FANCA: variants seen among roughly 807,000 people sequenced by gnomAD.
FANCA encodes Fanconi anemia group A protein.
In FANCA, 236 loss-of-function variants were observed where a neutral mutation model predicts 194.3. The ratio of observed to expected loss-of-function variants is 1.21; its 90% CI spans 1.09 to 1.35. The LOEUF (loss-of-function observed/expected upper bound fraction) is 1.35. FANCA is among the 40% of genes most tolerant of loss of function. The pLI is 0.00. For missense variants in FANCA, 2,628 were observed against 1,813.9 expected, an observed-to-expected ratio of 1.45 and a Z score of -8.15; for synonymous variants, 1,014 against 715.8, an observed-to-expected ratio of 1.42 and a Z score of -6.65.
rs929925295 is a variant in FANCA at position 89,815,921 on chromosome 16, G to T, written c.145C>A (p.Arg49Ser). The change falls in exon 2 of 43, where the codon CGC becomes AGC. Residue 49 changes from arginine (R) to serine (S), a missense_variant. By Grantham distance (110) the Arg-to-Ser change is moderately radical. Transcript: ENST00000389301. ...AGGTCCTGATGGCTTCGCAGGAGGC[G>T]CACAGCTGATTCCTTTAATTTCTGT... ...RAQKLKESAVRLLRSHQDLNA... is the reference protein window; with the variant it reads ...RAQKLKESAVSLLRSHQDLNA... 1.9e-6 allele frequency: 3 copies of T among 1,614,088 alleles called. No homozygotes were observed. The highest frequency in any genetic ancestry group is 2.2e-5 in the East Asian group (1 of 44,876).
At chr16:89,752,003 T>A in intron 31 of FANCA, 135 bp downstream of exon 31, 1 of 785,276 alleles carries the variant, frequency 1.3e-6, no homozygotes, top group Non-Finnish European at 2.3e-6. Flanking sequence ...ATCTCCTGAC[T>A]GTGTGATCCG....
At position 89,782,738 on chromosome 16, in the gene FANCA, G is replaced by A. The variant is rs2039762831; in HGVS notation, c.1626+121C>T. 2.2e-5 allele frequency: 19 copies of A among 873,818 alleles called. 1 individual carries two copies. The highest frequency in any genetic ancestry group is 7.0e-5 in the South Asian group (5 of 71,890). 54.1% of individuals were successfully genotyped at this position (873,818 alleles called of 1,614,324 possible). A position where few individuals can be genotyped will look rare whatever the true frequency, so the allele number is the denominator to read the frequency against. On this transcript the variant is annotated intron_variant, in intron 17 of 42. Coordinates refer to ENST00000389301, the MANE Select transcript of FANCA (RefSeq NM_000135.4). ...CAGAGCCTCGCCCCCAGCTGCGCCC[G>A]AGGCAAGACCAGACATGAGACTGGG...
chr16:89,779,087 T>C (rs2039615759), intron 18 of FANCA, 84 bp from the exon 19 acceptor site: 1 of 1,336,498 alleles, frequency 7.5e-7, no homozygotes, highest in Non-Finnish European at 1.1e-6. Context: ...TTTCAGAGAG[T>C]GGACTGCGAG....
At chr16:89,782,558 T>C (rs1408648126) in intron 17 of FANCA, among the ~76,000 whole-genome samples, 3 of 149,866 alleles carry the variant, frequency 2.0e-5, no homozygotes, top group Non-Finnish European at 4.4e-5. Flanking sequence ...GAGAAAAACA[T>C]GACGAACCAC....
chr16:89,774,455 G>A (rs2039426145), intron 21 of FANCA, among the ~76,000 whole-genome samples: 1 of 152,102 alleles, frequency 6.6e-6, no homozygotes, highest in Non-Finnish European at 1.5e-5. Flanking sequence ...GGTCGGCCGG[G>A]CATGGGGGCT....
chr16:89,748,478 G>A (rs528210362), intron 33 of FANCA, among the ~76,000 whole-genome samples, 181 bp downstream of exon 33: 4 of 152,332 alleles, frequency 2.6e-5, no homozygotes, highest in East Asian at 1.9e-4. Context: ...TGTGCTGGTC[G>A]CCGTCCTGGC....
intron 37 of FANCA, 82 bp from the exon 38 acceptor site, chr16:89,740,948 A>C (rs2062118447): frequency 7.6e-7 from 1 of 1,317,130 alleles, no homozygotes; most frequent in Admixed American, 2.0e-5. Flanking sequence ...ATTCCTCTTT[A>C]ATTGAAATTT....
At chr16:89,780,144 C>A (rs957387285) in intron 17 of FANCA, among the ~76,000 whole-genome samples, 187 bp from the exon 18 acceptor site, 1 of 152,176 alleles carries the variant, frequency 6.6e-6, no homozygotes, top group Non-Finnish European at 1.5e-5. Context: ...AATACCAGCA[C>A]GACAGGGGAG....
At chr16:89,756,426 C>G (rs896851134) in intron 30 of FANCA, among the ~76,000 whole-genome samples, 2 of 152,122 alleles carry the variant, frequency 1.3e-5, no homozygotes, top group Admixed American at 1.3e-4. Context: ...GTCAGAAGTT[C>G]AAGACCAGTC....
At chr16:89,748,832 C>T in intron 32 of FANCA, 65 bp from the exon 33 acceptor site, 1 of 1,353,598 alleles carries the variant, frequency 7.4e-7, no homozygotes, top group South Asian at 1.2e-5. Context: ...CCCAAGGGCT[C>T]AGACTCTCAG....
In FANCA at chr16:89,738,072, C is replaced by A; in HGVS notation, c.*529G>T. On this transcript the variant is annotated 3_prime_UTR_variant, in exon 43 of 43. Transcript: ENST00000389301. ...AGACTGAGCTGGACTTTGCCTGTGA[C>A]CAGTGTGGCCGGCGGTTTGAGAAGG... The A allele has an allele frequency of 6.2e-7, 1 of 1,614,104 alleles. No individual in the cohort carries two copies. Among genetic ancestry groups the A allele is most frequent in the East Asian group, 2.2e-5 (1 of 44,876 alleles).
intron 26 of FANCA, among the ~76,000 whole-genome samples, chr16:89,768,486 T>C (rs1598107928): frequency 6.6e-6 from 1 of 151,988 alleles, no homozygotes; most frequent in African/African-American, 2.4e-5. Context: ...CAAAACCCCA[T>C]CTCTACTAAA....
At chr16:89,749,659 C>A (rs2038511683) in intron 32 of FANCA, 71 bp downstream of exon 32, 1 of 1,545,930 alleles carries the variant, frequency 6.5e-7, no homozygotes, top group Non-Finnish European at 8.8e-7. Flanking sequence ...CTACAAAGAA[C>A]CTCTAGGACC....
At position 89,782,880 on chromosome 16, in the gene FANCA, T is replaced by C; in HGVS notation, c.1605A>G (p.Ser535=). Residue 535 remains serine (S), a synonymous_variant, in exon 17 of 43, where the codon TCA becomes TCG. Coordinates refer to ENST00000389301, the MANE Select transcript of FANCA (RefSeq NM_000135.4). Reference sequence around the variant, plus strand: ...TTACCTCAGTAATGTCCCCAGCTGATGACAAATCCTCGTAGAGTCCCATGT... The same window carrying C: ...TTACCTCAGTAATGTCCCCAGCTGACGACAAATCCTCGTAGAGTCCCATGT... ...IENMGLYEDL[S]SAGDITEPHS... The C allele has an allele frequency of 6.2e-7, 1 of 1,614,100 alleles. No homozygotes were observed. Among genetic ancestry groups the C allele is most frequent in the East Asian group, 2.2e-5 (1 of 44,892 alleles).
intron 34 of FANCA, 34 bp downstream of exon 34, chr16:89,746,797 G>C: frequency 6.3e-7 from 1 of 1,575,764 alleles, no homozygotes; most frequent in Non-Finnish European, 8.6e-7. Context: ...GGCGTTCTGA[G>C]AAGGCCACGA....
intron 42 of FANCA, 79 bp downstream of exon 42, chr16:89,738,799 TGCCA>T (rs1478450090): frequency 5.0e-6 from 8 of 1,613,490 alleles, no homozygotes; most frequent in East Asian, 2.2e-5. Context: ...CGAGTTGTAT[TGCCA>T]GCCAGGCAGG....
chr16:89,749,114 C>G (rs1039419628), intron 32 of FANCA, among the ~76,000 whole-genome samples: 7 of 152,226 alleles, frequency 4.6e-5, no homozygotes, highest in African/African-American at 1.7e-4. Context: ...TGACTCCACG[C>G]TGCTTCTTAT....
At chr16:89,752,059 C>G (rs1225374192) in intron 31 of FANCA, 79 bp downstream of exon 31, 1 of 1,314,662 alleles carries the variant, frequency 7.6e-7, no homozygotes, top group Non-Finnish European at 1.1e-6. Flanking sequence ...CGTGAGCCAC[C>G]GCGCCTGGCA....
Position 89,738,157 on chromosome 16 carries a change from G to GCCCT in FANCA, c.*440_*443dup. ...CCCGCTGACACAGACCCAGGACAAGGCCCTGCCCCTGGAGGCGGAACCACC... is the reference window on the plus strand; with the variant it reads ...CCCGCTGACACAGACCCAGGACAAGGCCCTCCCTGCCCCTGGAGGCGGAACCACC... On this transcript the variant is annotated 3_prime_UTR_variant, in exon 43 of 43. Transcript: ENST00000389301. The GCCCT allele has an allele frequency of 1.9e-6, 3 of 1,613,418 alleles. No homozygotes were observed. Among genetic ancestry groups the GCCCT allele is most frequent in the Non-Finnish European group, 2.5e-6 (3 of 1,179,952 alleles).
Sources: gnomAD v4.1 joint callset for allele counts (sites outside exome capture counted in the v4.1 genomes callset) on GRCh38, gnomAD v4.1.1 for gene constraint, MANE v1.5 for transcripts, NCBI Gene and HGNC (gene_info 2026-07-23, HGNC 2026-07-21) for gene names.